FARS2: variants seen among roughly 807,000 people sequenced by gnomAD.
The protein encoded by FARS2 is phenylalanyl-tRNA synthetase 2, mitochondrial, also known as phenylalanine--tRNA ligase, mitochondrial.
Under a neutral mutation model 46.4 loss-of-function variants are expected in FARS2, and 40 were observed. The ratio of observed to expected loss-of-function variants is 0.86; its 90% CI spans 0.67 to 1.12. The LOEUF is 1.12. Ranked by LOEUF, FARS2 falls within the 50% of genes most tolerant of loss-of-function variation. The pLI is 0.00. For missense variants in FARS2, 513 were observed against 567.9 expected, an observed-to-expected ratio of 0.90 and a Z score of 0.98; for synonymous variants, 234 against 214.9, an observed-to-expected ratio of 1.09 and a Z score of -0.78.
rs1259124650 is a variant in FARS2 at position 5,700,000 on chromosome 6, T to C, written c.1218-71291T>C. Among the ~76,000 whole-genome samples, 4 of 152,184 alleles carry C rather than the reference T, an allele frequency of 2.6e-5. No individual in the cohort carries two copies. The East Asian group carries it at 7.7e-4, about 29-fold the overall frequency. On this transcript the variant is annotated intron_variant, in intron 6 of 6. Transcript: ENST00000274680. ...CCTGTGCCATCTTTCACTCTAACTA[T>C]ATCGACTGACCTCCAGTCCCCGAAC...
chr6:5,287,210 A>G (rs1044658821), intron 1 of FARS2, among the ~76,000 whole-genome samples: 7 of 152,202 alleles, frequency 4.6e-5, no homozygotes, highest in African/African-American at 1.7e-4. Context: ...GTTGAGCCCG[A>G]GGCATTCCTT....
chr6:5,689,126 A>C (rs1024549118), intron 6 of FARS2, among the ~76,000 whole-genome samples: 4 of 151,858 alleles, frequency 2.6e-5, no homozygotes, highest in African/African-American at 9.7e-5. Flanking sequence ...CAGTCTCTCA[A>C]TTTTGTTGAT....
Position 5,274,727 on chromosome 6 carries a change from T to C in FARS2, c.-22+13067T>C, listed in dbSNP as rs1766208916. Among the ~76,000 whole-genome samples the C allele has an allele frequency of 4.6e-5, 7 of 152,326 alleles. No homozygotes were observed. The South Asian group carries it at 1.5e-3, about 32-fold the overall frequency. On this transcript the variant is annotated intron_variant, in intron 1 of 6. Coordinates refer to ENST00000274680, the MANE Select transcript of FARS2 (RefSeq NM_006567.5). ...ATGCAGCTCACCATGTCTTTTTTTT[T>C]TGAGACAGGGTCTTGCTCTGTCACC...
intron 2 of FARS2, among the ~76,000 whole-genome samples, chr6:5,399,132 TA>T (rs1426579437): frequency 0.12 from 7,047 of 57,752 alleles, 395 homozygotes; most frequent in African/African-American, 0.28. Flanking sequence ...ATTATTTTAT[TA>T]TTATTATTAT....
rs545622150 is a variant in FARS2 at position 5,665,184 on chromosome 6, G to A, written c.1217+51864G>A. On this transcript the variant is annotated intron_variant, in intron 6 of 6. Transcript: ENST00000274680. ...CTGAGGAAGCTCACCCAAAAACCCCGATGGCCAGGATGTTGACTGATGGCT... is the reference window on the plus strand; with the variant it reads ...CTGAGGAAGCTCACCCAAAAACCCCAATGGCCAGGATGTTGACTGATGGCT... 26 of 152,392 alleles carry A rather than the reference G, an allele frequency of 1.7e-4. 1 individual carries two copies. The highest frequency in any genetic ancestry group is 5.3e-4 in the African/African-American group (22 of 41,568). The allele number at this position is 152,392 out of a possible 1,614,324, so 9.4% of individuals were successfully genotyped here.
chr6:5,344,892 C>T (rs1757130127), intron 1 of FARS2, among the ~76,000 whole-genome samples: 1 of 151,494 alleles, frequency 6.6e-6, no homozygotes, highest in African/African-American at 2.4e-5. Context: ...TGGGTTCAAA[C>T]AATTCTCCTG....
At chr6:5,309,346 A>G (rs1178461677) in intron 1 of FARS2, among the ~76,000 whole-genome samples, 1 of 152,110 alleles carries the variant, frequency 6.6e-6, no homozygotes, top group Admixed American at 6.6e-5. Flanking sequence ...GGGGAGAGAG[A>G]CACTTTCTTT....
intron 2 of FARS2, among the ~76,000 whole-genome samples, chr6:5,378,770 T>G (rs530048562): frequency 9.2e-5 from 14 of 152,226 alleles, no homozygotes; most frequent in Admixed American, 7.2e-4. Flanking sequence ...AAGACACACT[T>G]AAATTCAAAC....
chr6:5,250,817 G>A, the FARS2 span, among the ~76,000 whole-genome samples: 43,651 of 152,040 alleles, frequency 0.29, 7,898 homozygotes, highest in African/African-American at 0.51. Flanking sequence ...CTTACATATG[G>A]TATAATAAAA....
At chr6:5,622,355 G>A (rs1292155264) in intron 6 of FARS2, among the ~76,000 whole-genome samples, 4 of 152,146 alleles carry the variant, frequency 2.6e-5, no homozygotes, top group African/African-American at 7.2e-5. Context: ...TTCTCTATTT[G>A]CATTTAAACT....
At chr6:5,572,388 A>G (rs1213876314) in intron 5 of FARS2, among the ~76,000 whole-genome samples, 2 of 152,162 alleles carry the variant, frequency 1.3e-5, no homozygotes, top group Admixed American at 6.5e-5. Flanking sequence ...GCACCAAGCC[A>G]TGAAGGATCC....
At chr6:5,723,809 C>T (rs980681554) in intron 6 of FARS2, among the ~76,000 whole-genome samples, 3 of 152,234 alleles carry the variant, frequency 2.0e-5, no homozygotes, top group Non-Finnish European at 2.9e-5. Context: ...AATTGGGAGG[C>T]TCCTTGCTTT....
Position 5,368,631 on chromosome 6 carries a change from A to G in FARS2, c.61A>G (p.Ser21Gly), listed in dbSNP as rs1436575754. 2 of 1,614,198 alleles carry G rather than the reference A, an allele frequency of 1.2e-6. No individual in the cohort carries two copies. Among genetic ancestry groups the G allele is most frequent in the South Asian group, 1.1e-5 (1 of 91,090 alleles). ...ATATGTCTACCTGGTGAGTAAGGCC[A>G]GTCACATCTCCAGAGGCCATCAGCA... ...HAYVYLVSKA[S>G]HISRGHQHQA... is the part of the protein sequence containing the mutation. Residue 21 changes from serine (S) to glycine (G), a missense_variant, in exon 2 of 7, where the codon AGT (serine) becomes GGT (glycine). Ser to Gly is a moderately conservative substitution (Grantham distance 56). Transcript: ENST00000274680.
At chr6:5,523,884 C>T (rs1454675188) in intron 4 of FARS2, among the ~76,000 whole-genome samples, 1 of 152,182 alleles carries the variant, frequency 6.6e-6, no homozygotes, top group Non-Finnish European at 1.5e-5. Flanking sequence ...TCCCAAATCC[C>T]CCTACTTCTT....
intron 6 of FARS2, among the ~76,000 whole-genome samples, chr6:5,678,450 C>T (rs1778872355): frequency 6.6e-6 from 1 of 152,186 alleles, no homozygotes; most frequent in Non-Finnish European, 1.5e-5. Context: ...CTGGGATTAG[C>T]CCCTCAGGCC....
chr6:5,359,542 C>G (rs1016305538), intron 1 of FARS2, among the ~76,000 whole-genome samples: 1 of 152,204 alleles, frequency 6.6e-6, no homozygotes, highest in Non-Finnish European at 1.5e-5. Context: ...CTGGCACTGT[C>G]TCTCATAAGG....
intron 1 of FARS2, among the ~76,000 whole-genome samples, chr6:5,346,055 G>A (rs1251760543): frequency 2.0e-5 from 3 of 152,182 alleles, no homozygotes; most frequent in South Asian, 2.1e-4. Context: ...TGGCCGGGGC[G>A]TCCTGTCCAC....
chr6:5,574,999 C>T (rs1450185198), intron 5 of FARS2, among the ~76,000 whole-genome samples: 2 of 152,066 alleles, frequency 1.3e-5, no homozygotes, highest in African/African-American at 4.8e-5. Context: ...GAAGTTCAAA[C>T]CCAAGTTGTT....
At chr6:5,729,481 T>C (rs34956677) in intron 6 of FARS2, among the ~76,000 whole-genome samples, 26,727 of 152,158 alleles carry the variant, frequency 0.18, 2,471 homozygotes, top group African/African-American at 0.21. Flanking sequence ...AGTAGACACA[T>C]ACCTTAGAGG....
Sources: gnomAD v4.1 joint callset for allele counts (sites outside exome capture counted in the v4.1 genomes callset) on GRCh38, gnomAD v4.1.1 for gene constraint, MANE v1.5 for transcripts, NCBI Gene and HGNC (gene_info 2026-07-23, HGNC 2026-07-21) for gene names.